MELK: variants seen among roughly 807,000 people sequenced by gnomAD.
MELK encodes pEg3 kinase.
In MELK, 81 loss-of-function variants were observed where a neutral mutation model predicts 85.0. The ratio of observed to expected loss-of-function variants is 0.95; its 90% CI spans 0.80 to 1.15. The LOEUF is 1.15. Ranked by LOEUF, MELK falls within the 50% of genes most tolerant of loss-of-function variation. The probability of loss-of-function intolerance (pLI) is 0.00; values close to 1 mark genes in which losing one functional copy is unlikely to be tolerated. For missense variants in MELK, 754 were observed against 777.5 expected (o/e 0.97, Z 0.36); for synonymous variants, 252 against 265.0 (o/e 0.95, Z 0.48).
In MELK at chr9:36,651,760, CCTCACGG is replaced by C; in HGVS notation, c.939_945del (p.Thr314ProfsTer6). 1 of 1,613,962 alleles carries C rather than the reference CCTCACGG, an allele frequency of 6.2e-7. No individual in the cohort carries two copies. The highest frequency in any genetic ancestry group is 8.5e-7 in the Non-Finnish European group (1 of 1,179,892). On this transcript the variant is annotated frameshift_variant, in exon 12 of 18. Coordinates refer to ENST00000298048, the MANE Select transcript of MELK (RefSeq NM_014791.4). LOFTEE classifies it high-confidence loss of function. ...TTTTCCTTTAGTGGCAGTATGATCA[CCTCACGG>C]CTACCTATCTTCTGCTTCTAGCCAA... is the stretch of plus-strand genomic sequence containing the variant.
intron 15 of MELK, among the ~76,000 whole-genome samples, chr9:36,669,938 T>C (rs988323557): frequency 2.0e-5 from 3 of 152,202 alleles, no homozygotes; most frequent in Non-Finnish European, 4.4e-5. Context: ...ATTATTAATT[T>C]ATTGATGAAG....
chr9:36,628,498 C>T (rs1374139430), intron 8 of MELK, among the ~76,000 whole-genome samples: 5 of 152,038 alleles, frequency 3.3e-5, no homozygotes, highest in Admixed American at 6.6e-5. Context: ...CAGCTCACTG[C>T]GACCTCCACC....
chr9:36,654,302 C>A (rs1400689488), intron 12 of MELK, among the ~76,000 whole-genome samples: 1 of 150,774 alleles, frequency 6.6e-6, no homozygotes, highest in Admixed American at 6.6e-5. Flanking sequence ...AAATTTACGA[C>A]ACCTCAGTTA....
rs1007323493 is a variant in MELK at position 36,675,545 on chromosome 9, A to T, written c.1778+608A>T. Among the ~76,000 whole-genome samples, 10 of 152,298 alleles carry T rather than the reference A, an allele frequency of 6.6e-5. No individual in the cohort carries two copies. The South Asian group carries it at 1.2e-3, about 19-fold the overall frequency. ...GTCTGCTTTACAATAATATTTATAA[A>T]TTATAATCTAAATTTGTGAGACATT... On this transcript the variant is annotated intron_variant, in intron 17 of 17. Coordinates refer to ENST00000298048, the MANE Select transcript of MELK (RefSeq NM_014791.4).
chr9:36,657,659 C>T (rs763879135), intron 13 of MELK, among the ~76,000 whole-genome samples: 4 of 152,276 alleles, frequency 2.6e-5, no homozygotes, highest in East Asian at 1.9e-4. Context: ...GGCACGATCT[C>T]GGCTCACTGC....
At chr9:36,647,183 A>G (rs1200248526) in intron 11 of MELK, among the ~76,000 whole-genome samples, 1 of 152,206 alleles carries the variant, frequency 6.6e-6, no homozygotes, top group Non-Finnish European at 1.5e-5. Flanking sequence ...AATCCTAGGC[A>G]TGTTTAGGAA....
chr9:36,635,882 C>A (rs1377703346), intron 10 of MELK, among the ~76,000 whole-genome samples: 2 of 151,362 alleles, frequency 1.3e-5, no homozygotes, highest in African/African-American at 4.9e-5. Flanking sequence ...CCACAACCTC[C>A]GCCTCCTGGG....
chr9:36,654,881 C>T (rs181881384), intron 12 of MELK, among the ~76,000 whole-genome samples: 7 of 152,112 alleles, frequency 4.6e-5, no homozygotes, highest in African/African-American at 1.4e-4. Flanking sequence ...ATTTTGGGTT[C>T]GCTTCTAATC....
rs58762166 is a variant in MELK, at chr9:36,664,378, G to A, written c.1177-972G>A. 4.6e-3 allele frequency among the ~76,000 whole-genome samples: 699 copies of A among 152,254 alleles called. 6 individuals carry two copies. Among genetic ancestry groups the A allele is most frequent in the African/African-American group, 0.016 (673 of 41,562 alleles). ...ACTCTATGGGAATTATCTGAGGCTT[G>A]GGTTAAGGGCTTGAGTTGGGTTGGA... On this transcript the variant is annotated intron_variant, in intron 13 of 17. Coordinates refer to ENST00000298048, the MANE Select transcript of MELK (RefSeq NM_014791.4).
At position 36,605,844 on chromosome 9, in the gene MELK, TTTC is replaced by T. The variant is rs532346114; in HGVS notation, c.568-1728_568-1726del. On this transcript the variant is annotated intron_variant, in intron 7 of 17. Transcript: ENST00000298048. Reference sequence around the variant, plus strand: ...TTCCTTCCTTTCCTTCTTTCCTCTTTTTCTTTTTTTGCTCTTAAAACTTGCCTA... The same window carrying T: ...TTCCTTCCTTTCCTTCTTTCCTCTTTTTTTTTTGCTCTTAAAACTTGCCTA... Among the ~76,000 whole-genome samples, 644 of 151,564 alleles carry T rather than the reference TTTC, an allele frequency of 4.2e-3. 2 individuals are homozygous for T. The highest frequency in any genetic ancestry group is 0.015 in the African/African-American group (619 of 41,064).
chr9:36,659,051 T>G (rs1340988121), intron 13 of MELK, among the ~76,000 whole-genome samples: 1 of 152,016 alleles, frequency 6.6e-6, no homozygotes, highest in Non-Finnish European at 1.5e-5. Flanking sequence ...CTGGCTAATT[T>G]TTTGTATTTT....
chr9:36,657,240 G>A lies in MELK; in HGVS notation c.1054-1G>A. ...AAGTTCTTCTGTCTTTCATTGAGTAGTCAAATAATTGGAGTCTGGAAGATG... is the reference window on the plus strand; with the variant it reads ...AAGTTCTTCTGTCTTTCATTGAGTAATCAAATAATTGGAGTCTGGAAGATG... On this transcript the variant is annotated splice_acceptor_variant, in intron 12 of 17. Transcript: ENST00000298048. LOFTEE classifies it high-confidence loss of function. The A allele has an allele frequency of 6.2e-7, 1 of 1,608,772 alleles. No individual in the cohort carries two copies. The highest frequency in any genetic ancestry group is 8.5e-7 in the Non-Finnish European group (1 of 1,178,702).
chr9:36,592,387 G>A (rs1823715676), intron 4 of MELK, among the ~76,000 whole-genome samples: 1 of 151,924 alleles, frequency 6.6e-6, no homozygotes, highest in Non-Finnish European at 1.5e-5. Context: ...TGTTGGCCAG[G>A]CTGGTCTCAA....
chr9:36,631,441 C>T (rs1828607698), intron 9 of MELK, among the ~76,000 whole-genome samples: 1 of 151,706 alleles, frequency 6.6e-6, no homozygotes, highest in African/African-American at 2.4e-5. Context: ...AATTTTTGTA[C>T]TTTTAGTAGA....
At chr9:36,573,915 G>A (rs919386997) in intron 1 of MELK, among the ~76,000 whole-genome samples, 1 of 152,106 alleles carries the variant, frequency 6.6e-6, no homozygotes, top group African/African-American at 2.4e-5. Context: ...TAGACTCAGG[G>A]AAGGCTGCCC....
chr9:36,622,583 A>G (rs1564174334), intron 8 of MELK, among the ~76,000 whole-genome samples: 1 of 152,200 alleles, frequency 6.6e-6, no homozygotes, highest in Non-Finnish European at 1.5e-5. Context: ...ACTGCATTCA[A>G]AGACAAGCAC....
At position 36,662,905 on chromosome 9, in the gene MELK, T is replaced by C. The variant is rs150842242; in HGVS notation, c.1177-2445T>C. Among the ~76,000 whole-genome samples the C allele has an allele frequency of 5.0e-4, 76 of 152,328 alleles. 1 individual carries two copies. In the East Asian group the frequency reaches 0.011, roughly 23 times the overall value. ...GAACACACCATCTGTGTGGTGTCTC[T>C]GTGGATAGTGTCCTCTGGAGTTGTA... On this transcript the variant is annotated intron_variant, in intron 13 of 17. Coordinates refer to ENST00000298048, the MANE Select transcript of MELK (RefSeq NM_014791.4).
chr9:36,606,887 C>A (rs531563938), intron 7 of MELK: 3 of 151,768 alleles, frequency 2.0e-5, no homozygotes, highest in East Asian at 3.9e-4. Context: ...TGGATTCAAG[C>A]GATTCTCCTG....
chr9:36,644,209 TTGTGTG>T (rs55796800), intron 11 of MELK, among the ~76,000 whole-genome samples: 94,369 of 145,108 alleles, frequency 0.65, 31,327 homozygotes, highest in Non-Finnish European at 0.72. Context: ...TACCTGTGTT[TTGTGTG>T]TGTGTGTGTG....
Sources: gnomAD v4.1 joint callset for allele counts (sites outside exome capture counted in the v4.1 genomes callset) on GRCh38, gnomAD v4.1.1 for gene constraint, MANE v1.5 for transcripts, NCBI Gene and HGNC (gene_info 2026-07-23, HGNC 2026-07-21) for gene names.